The following HYDIN variants were observed in gnomAD, a reference collection of about 807,000 sequenced individuals.
HYDIN encodes HYDIN axonemal central pair apparatus protein.
A neutral mutation model predicts 403.9 loss-of-function variants in HYDIN; 132 were observed. The observed-to-expected ratio is 0.33, with a 90% CI of 0.28 to 0.38. The LOEUF (loss-of-function observed/expected upper bound fraction) is 0.38. HYDIN is among the 10% of genes least tolerant of loss of function. HYDIN has a pLI of 1.00. For synonymous variants in HYDIN, 1,202 were observed against 1,891.7 expected, an observed-to-expected ratio of 0.64 and a Z score of 9.46; for missense variants, 2,827 against 5,009.5, an observed-to-expected ratio of 0.56 and a Z score of 13.15.
chr16:71,163,822 G>C (rs1390143655), intron 5 of HYDIN, among the ~76,000 whole-genome samples: 1 of 152,208 alleles, frequency 6.6e-6, no homozygotes, highest in Non-Finnish European at 1.5e-5. Flanking sequence ...GCAATAATAA[G>C]TGCTTATTAT....
chr16:70,871,072 C>T (rs1158114674), intron 65 of HYDIN, among the ~76,000 whole-genome samples: 18 of 151,922 alleles, frequency 1.2e-4, no homozygotes, highest in Admixed American at 1.0e-3. Flanking sequence ...TGCCTTATAG[C>T]ATTGTTCAGA....
rs1169286889 is a variant in HYDIN, at chr16:70,977,828, C to T, written c.4638+1086G>A. ...GCTCCCACCTCTGTGGCACCACATG[C>T]TCCTGACTTTTCCAGAATCTTTTGG... On this transcript the variant is annotated intron_variant, in intron 30 of 85. Coordinates refer to ENST00000393567, the MANE Select transcript of HYDIN (RefSeq NM_001270974.2). 3.3e-5 allele frequency among the ~76,000 whole-genome samples: 5 copies of T among 151,816 alleles called. No individual in the cohort carries two copies. In the East Asian group the frequency reaches 9.8e-4, roughly 30 times the overall value.
chr16:71,021,562 T>C (rs2080495761), intron 21 of HYDIN, among the ~76,000 whole-genome samples: 1 of 151,918 alleles, frequency 6.6e-6, no homozygotes, highest in Non-Finnish European at 1.5e-5. Context: ...GAATCTCGAG[T>C]TGAGAGTTTC....
intron 1 of HYDIN, among the ~76,000 whole-genome samples, chr16:71,206,042 G>A (rs560636637): frequency 3.9e-5 from 6 of 152,224 alleles, no homozygotes; most frequent in Admixed American, 3.9e-4. Flanking sequence ...CTATTGCTTT[G>A]GAAACACCCA....
chr16:71,088,771 G>A (rs1364402021), intron 11 of HYDIN, among the ~76,000 whole-genome samples: 3 of 118,260 alleles, frequency 2.5e-5, no homozygotes, highest in Admixed American at 9.7e-5. Context: ...TATTATGCTC[G>A]TGCTATAAAG....
chr16:71,186,488 A>G (rs974153500), intron 2 of HYDIN, among the ~76,000 whole-genome samples: 1 of 152,166 alleles, frequency 6.6e-6, no homozygotes, highest in Admixed American at 6.5e-5. Context: ...GTGCTACCTA[A>G]TATTTAGAAA....
At chr16:70,990,584 T>A (rs1172622287) in intron 25 of HYDIN, among the ~76,000 whole-genome samples, 2 of 151,804 alleles carry the variant, frequency 1.3e-5, no homozygotes, top group Admixed American at 1.3e-4. Flanking sequence ...ACTTTCTCAT[T>A]TTTAAAAAAG....
chr16:71,154,986 T>G (rs2085703628), intron 6 of HYDIN, among the ~76,000 whole-genome samples: 1 of 147,846 alleles, frequency 6.8e-6, no homozygotes, highest in Non-Finnish European at 1.5e-5. Context: ...TGTTTATTAT[T>G]CTTTTTGTTA....
intron 16 of HYDIN, chr16:71,062,575 A>G (rs139219700): frequency 0.012 from 4,900 of 424,012 alleles, 40 homozygotes; most frequent in Non-Finnish European, 0.016. Context: ...CCGCAACTCA[A>G]ATAAGTTCAG....
chr16:71,116,105 T>A (rs2084016084), intron 9 of HYDIN, among the ~76,000 whole-genome samples: 1 of 152,146 alleles, frequency 6.6e-6, no homozygotes, highest in South Asian at 2.1e-4. Flanking sequence ...CTACATTAGG[T>A]CTCCAGAACT....
chr16:71,021,661 G>T (rs2080500353), intron 21 of HYDIN, among the ~76,000 whole-genome samples: 1 of 151,914 alleles, frequency 6.6e-6, no homozygotes, highest in Non-Finnish European at 1.5e-5. Flanking sequence ...TATCATCAGG[G>T]GGTGACCAGG....
chr16:71,126,453 G>A (rs1384913582), intron 9 of HYDIN, among the ~76,000 whole-genome samples: 1 of 152,166 alleles, frequency 6.6e-6, no homozygotes, highest in East Asian at 1.9e-4. Context: ...GGAAAGGTCA[G>A]GAAGGAATCA....
At position 71,230,659 on chromosome 16, in the gene HYDIN, C is replaced by G; in HGVS notation, c.-121G>C. ...CCCGCCGCCGCTGAGGGGCTCCATA[C>G]CCAGCTTGAAGCCGCCCGCACTCTC... On this transcript the variant is annotated 5_prime_UTR_variant, in exon 1 of 86. Transcript: ENST00000393567. The G allele has an allele frequency of 1.3e-6, 2 of 1,536,060 alleles. No individual in the cohort carries two copies. The highest frequency in any genetic ancestry group is 8.7e-7 in the Non-Finnish European group (1 of 1,146,868).
chr16:71,059,785 G>T (rs1455549818), intron 18 of HYDIN, among the ~76,000 whole-genome samples: 1 of 152,020 alleles, frequency 6.6e-6, no homozygotes, highest in African/African-American at 2.4e-5. Flanking sequence ...TAAAATAAAA[G>T]TTTAAAAAAA....
At chr16:70,976,233 G>T (rs1042567237) in intron 30 of HYDIN, among the ~76,000 whole-genome samples, 1 of 152,238 alleles carries the variant, frequency 6.6e-6, no homozygotes, top group African/African-American at 2.4e-5. Context: ...GCTTGGATCT[G>T]GTTGGCTCTA....
chr16:71,007,004 C>T (rs1174486618), intron 23 of HYDIN, among the ~76,000 whole-genome samples: 1 of 148,654 alleles, frequency 6.7e-6, no homozygotes, highest in Non-Finnish European at 1.5e-5. Flanking sequence ...TGTCTCTTCC[C>T]TCCCTCCCTC....
chr16:71,015,488 C>T (rs6499386), intron 23 of HYDIN, among the ~76,000 whole-genome samples: 21,376 of 62,190 alleles, frequency 0.34, 5,243 homozygotes, highest in African/African-American at 0.72. Context: ...CAAAATCTGG[C>T]ATTTGAAGTG....
chr16:70,956,535 C>A (rs1202987541), intron 39 of HYDIN, among the ~76,000 whole-genome samples: 2 of 152,096 alleles, frequency 1.3e-5, no homozygotes, highest in African/African-American at 2.4e-5. Flanking sequence ...CTGGATTATC[C>A]AACCGGGCAC....
chr16:71,064,920 C>T (rs2093207712), intron 15 of HYDIN, 80 bp from the exon 16 acceptor site: 2 of 1,513,464 alleles, frequency 1.3e-6, no homozygotes, highest in Non-Finnish European at 1.8e-6. Flanking sequence ...AAGCGAGATA[C>T]ATTTGTCAGT....
Sources: gnomAD v4.1 joint callset for allele counts (sites outside exome capture counted in the v4.1 genomes callset) on GRCh38, gnomAD v4.1.1 for gene constraint, MANE v1.5 for transcripts, NCBI Gene and HGNC (gene_info 2026-07-23, HGNC 2026-07-21) for gene names.